Variants in MCF2L2 observed in about 807,000 individuals in gnomAD.
The protein encoded by MCF2L2 is probable guanine nucleotide exchange factor MCF2L2.
Under a neutral mutation model 150.2 loss-of-function variants are expected in MCF2L2, and 102 were observed. The observed-to-expected ratio is 0.68, with a 90% confidence interval of 0.58 to 0.80. The LOEUF (loss-of-function observed/expected upper bound fraction) is 0.80. MCF2L2 is among the 30% of genes least tolerant of loss of function. The probability of loss-of-function intolerance (pLI) is 0.00; values close to 1 mark genes in which losing one functional copy is unlikely to be tolerated. For missense variants in MCF2L2, 1,256 were observed against 1,372.8 expected (o/e 0.91, Z 1.34); for synonymous variants, 465 against 491.3 (o/e 0.95, Z 0.71).
At chr3:183,228,026 T>TACACACACACACACACAC (rs144915150) in intron 18 of MCF2L2, 54,953 of 138,256 alleles carry the variant, frequency 0.4, 7,292 homozygotes, top group Middle Eastern at 0.5. Flanking sequence ...TATATATACA[T>TACACACACACACACACAC]ATACACACAC....
rs866561717 is a variant in MCF2L2, at chr3:183,366,778, T to C, written c.275+12519A>G. Among the ~76,000 whole-genome samples the C allele has an allele frequency of 1.1e-4, 17 of 152,370 alleles. 1 individual carries two copies. In the Middle Eastern group the frequency reaches 0.01, roughly 91 times the overall value. On this transcript the variant is annotated intron_variant, in intron 3 of 29. Transcript: ENST00000328913. ...TGAAAAACACTTCCTGGTTGACAGC[T>C]TGCAGTAGATCTAGACAGCAACAAT...
intron 15 of MCF2L2, among the ~76,000 whole-genome samples, chr3:183,243,345 G>A (rs1054286816): frequency 6.6e-6 from 1 of 152,174 alleles, no homozygotes; most frequent in Admixed American, 6.5e-5. Context: ...AAGTTGCAGG[G>A]TCCCATTCTT....
intron 3 of MCF2L2, among the ~76,000 whole-genome samples, chr3:183,350,627 G>A (rs188387210): frequency 2.0e-5 from 3 of 152,252 alleles, no homozygotes; most frequent in East Asian, 1.9e-4. Context: ...ATTAGAGGCC[G>A]GGCGCGGGGG....
intron 13 of MCF2L2, among the ~76,000 whole-genome samples, chr3:183,291,752 C>T (rs139327152): frequency 5.9e-5 from 9 of 152,342 alleles, no homozygotes; most frequent in South Asian, 2.1e-4. Context: ...TTCTGCAAAA[C>T]GAGCTAGTTG....
Position 183,295,385 on chromosome 3 carries a change from C to G in MCF2L2, c.1590G>C (p.Gln530His). ...QVSLMKLAAK[Q>H]TRPVQPVAPH... ...GGGCCACAGGTTGCACTGGACGAGT[C>G]TGTTTGGCTGCCAGTTTCATCAGAC... Residue 530 changes from glutamine to histidine, a missense_variant, in exon 13 of 30, where the codon CAG (glutamine) becomes CAC (histidine). Transcript: ENST00000328913. The G allele has an allele frequency of 6.2e-7, 1 of 1,614,102 alleles. No homozygotes were observed. The highest frequency in any genetic ancestry group is 8.5e-7 in the Non-Finnish European group (1 of 1,180,000).
Position 183,270,210 on chromosome 3 carries a change from G to C in MCF2L2, c.1862+6662C>G, listed in dbSNP as rs201281355. The C allele has an allele frequency of 7.4e-6, 12 of 1,614,180 alleles. No individual in the cohort carries two copies. Among genetic ancestry groups the C allele is most frequent in the Non-Finnish European group, 8.5e-6 (10 of 1,180,032 alleles). On this transcript the variant is annotated intron_variant, in intron 15 of 29. Transcript: ENST00000328913. This position sits in a 1 kb window ranked among gnomAD's most constrained non-coding sequence, Gnocchi z 4.5. ...TGCCTTAGGAACTCCTAATCCACTGGAGGGAGAAGAACTACAAAGAAAACT... is the reference window on the plus strand; with the variant it reads ...TGCCTTAGGAACTCCTAATCCACTGCAGGGAGAAGAACTACAAAGAAAACT...
chr3:183,364,584 A>T (rs1379219207), intron 3 of MCF2L2, among the ~76,000 whole-genome samples: 1 of 152,132 alleles, frequency 6.6e-6, no homozygotes, highest in Non-Finnish European at 1.5e-5. Context: ...AAACCAATAG[A>T]TCTAATTAGT....
At position 183,230,951 on chromosome 3, in the gene MCF2L2, A is replaced by T. The variant is rs1286606230; in HGVS notation, c.1929T>A (p.Asp643Glu). The change falls in exon 16 of 30, where the codon GAT (aspartate) becomes GAA (glutamate). Residue 643 changes from aspartate to glutamate, a missense_variant and splice_region_variant. Asp to Glu is a conservative substitution (Grantham distance 45). Coordinates refer to ENST00000328913, the MANE Select transcript of MCF2L2 (RefSeq NM_015078.4). ...TACCCCACTCCCCAAATCTACTTAC[A>T]TCAATTATGCTTTTAATCTCTTTTA... Reference protein sequence around the residue: ...IYIKEIKSIIDGYITPMDFIW... With the variant: ...IYIKEIKSIIEGYITPMDFIW... The T allele has an allele frequency of 5.6e-6, 9 of 1,611,412 alleles. No individual in the cohort carries two copies. In the East Asian group the frequency reaches 1.8e-4, roughly 32 times the overall value.
intron 7 of MCF2L2, among the ~76,000 whole-genome samples, chr3:183,317,658 TC>T (rs149413881): frequency 0.017 from 2,592 of 152,196 alleles, 77 homozygotes; most frequent in African/African-American, 0.059. Flanking sequence ...AGCTTATACT[TC>T]AAAAGCCAGC....
intron 3 of MCF2L2, among the ~76,000 whole-genome samples, chr3:183,353,654 CTA>C (rs1389443334): frequency 1.3e-5 from 2 of 152,050 alleles, no homozygotes; most frequent in Admixed American, 1.3e-4. Context: ...TGTGAGGACT[CTA>C]TCACAAGAAC....
chr3:183,423,628 A>ATTTGTTT (rs1452290550), intron 1 of MCF2L2, among the ~76,000 whole-genome samples: 1 of 100,670 alleles, frequency 9.9e-6, no homozygotes, highest in African/African-American at 3.8e-5. Context: ...TTTAAATTTT[A>ATTTGTTT]TTTGTTTTTT....
At chr3:183,248,696 GGC>G (rs1264404262) in intron 15 of MCF2L2, among the ~76,000 whole-genome samples, 1 of 151,972 alleles carries the variant, frequency 6.6e-6, no homozygotes, top group Admixed American at 6.6e-5. Flanking sequence ...AAATTATTTG[GGC>G]GTGATGGGGT....
At chr3:183,360,609 T>C (rs897033202) in intron 3 of MCF2L2, among the ~76,000 whole-genome samples, 1 of 151,886 alleles carries the variant, frequency 6.6e-6, no homozygotes, top group Non-Finnish European at 1.5e-5. Flanking sequence ...TCCTCATCCT[T>C]AGAGGATCCA....
At chr3:183,424,246 T>G (rs1410720831) in intron 1 of MCF2L2, among the ~76,000 whole-genome samples, 1 of 152,162 alleles carries the variant, frequency 6.6e-6, no homozygotes, top group Non-Finnish European at 1.5e-5. Context: ...CATCTAGACA[T>G]GTGTTCACAT....
At chr3:183,366,010 GAAACA>G (rs540139918) in intron 3 of MCF2L2, among the ~76,000 whole-genome samples, 2,985 of 146,212 alleles carry the variant, frequency 0.02, 85 homozygotes, top group African/African-American at 0.073. Flanking sequence ...ATGAAAAATA[GAAACA>G]GAAACAGAAA....
chr3:183,237,892 T>C (rs2108678754), intron 15 of MCF2L2, among the ~76,000 whole-genome samples: 2 of 95,586 alleles, frequency 2.1e-5, no homozygotes, highest in South Asian at 8.2e-4. Flanking sequence ...GAGATTCTGG[T>C]ATGTGGTGTC....
rs397795812 is a variant in MCF2L2 at position 183,305,325 on chromosome 3, CT to C, written c.1113+4390del. On this transcript the variant is annotated intron_variant, in intron 10 of 29. Coordinates refer to ENST00000328913, the MANE Select transcript of MCF2L2 (RefSeq NM_015078.4). This position sits in a 1 kb window ranked among gnomAD's most constrained non-coding sequence, Gnocchi z 4.1. Reference sequence around the variant, plus strand: ...CTTGGCATGAAAGTCTCTGTTGACACTTTTTTTTTTTTTAAGTCCAGCTGCC... The same window carrying C: ...CTTGGCATGAAAGTCTCTGTTGACACTTTTTTTTTTTTAAGTCCAGCTGCC... Among the ~76,000 whole-genome samples the C allele has an allele frequency of 0.013, 1,963 of 145,668 alleles. 25 individuals are homozygous for C. The highest frequency in any genetic ancestry group is 0.035 in the African/African-American group (1,404 of 40,066).
At chr3:183,360,969 A>G (rs563972542) in intron 3 of MCF2L2, among the ~76,000 whole-genome samples, 1 of 66,966 alleles carries the variant, frequency 1.5e-5, no homozygotes, top group South Asian at 3.6e-4. Context: ...AAAAGAAAAG[A>G]AAAGAAAAGA....
intron 3 of MCF2L2, among the ~76,000 whole-genome samples, chr3:183,363,750 C>G (rs1029068662): frequency 6.6e-6 from 1 of 152,056 alleles, no homozygotes; most frequent in Non-Finnish European, 1.5e-5. Flanking sequence ...ACACTTTAAA[C>G]AGGAGATTTT....
Sources: allele counts gnomAD v4.1 joint callset (sites outside exome capture counted in the v4.1 genomes callset), GRCh38; gene constraint gnomAD v4.1.1; non-coding constraint Gnocchi (gnomAD v3.1); transcripts MANE v1.5; gene names NCBI Gene and HGNC (gene_info 2026-07-23, HGNC 2026-07-21).